Variants in ZFHX3 observed in about 807,000 individuals in gnomAD.
The protein encoded by ZFHX3 is zinc finger homeobox 3, also known as zinc finger homeobox protein 3.
ZFHX3 carries 42 observed loss-of-function variants against 279.1 expected under a neutral mutation model. The ratio of observed to expected loss-of-function variants is 0.15; its 90% CI spans 0.12 to 0.19. The LOEUF is 0.19. Ranked by LOEUF, ZFHX3 falls within the 10% of genes least tolerant of loss-of-function variation. ZFHX3 has a pLI of 1.00. For missense variants in ZFHX3, 4,981 were observed against 4,754.0 expected, an observed-to-expected ratio of 1.05 and a Z score of -1.40; for synonymous variants, 2,293 against 1,957.8, an observed-to-expected ratio of 1.17 and a Z score of -4.52.
At chr16:73,532,233 T>TG (rs1424281650) in intron 2 of ZFHX3, among the ~76,000 whole-genome samples, 2 of 152,010 alleles carry the variant, frequency 1.3e-5, no homozygotes, top group African/African-American at 4.8e-5. Context: ...AATTGAATCA[T>TG]GGGGGTGGTT....
chr16:72,940,892 C>G (rs1960379051), intron 3 of ZFHX3, among the ~76,000 whole-genome samples: 1 of 152,248 alleles, frequency 6.6e-6, no homozygotes, highest in Non-Finnish European at 1.5e-5. Context: ...ATCTCCTAAT[C>G]ATTCTTGATG....
chr16:73,827,849 G>A (rs1310196962), intron 1 of ZFHX3, among the ~76,000 whole-genome samples: 4 of 117,674 alleles, frequency 3.4e-5, no homozygotes, highest in Non-Finnish European at 6.9e-5. Context: ...TGGAATAGGT[G>A]TGGTGTGGTG....
At chr16:73,400,944 C>T (rs929753725) in intron 3 of ZFHX3, 1 of 152,218 alleles carries the variant, frequency 6.6e-6, no homozygotes, top group African/African-American at 2.4e-5. Flanking sequence ...CCCCGGAAGC[C>T]ATCCCCGTCA....
chr16:73,830,521 C>G (rs557473092), intron 1 of ZFHX3, among the ~76,000 whole-genome samples: 2 of 152,304 alleles, frequency 1.3e-5, no homozygotes, highest in African/African-American at 4.8e-5. Context: ...AACCCCACCC[C>G]TCTTAACCTC....
intron 1 of ZFHX3, among the ~76,000 whole-genome samples, chr16:73,010,039 A>C (rs1458370819): frequency 6.6e-6 from 1 of 150,706 alleles, no homozygotes; most frequent in Non-Finnish European, 1.5e-5. Context: ...AAAAAAAAAA[A>C]AAAACTCATA....
At chr16:73,169,711 T>C (rs1344406699) in intron 5 of ZFHX3, among the ~76,000 whole-genome samples, 2 of 151,090 alleles carry the variant, frequency 1.3e-5, no homozygotes, top group Non-Finnish European at 3.0e-5. Flanking sequence ...TCTTTTGGCA[T>C]AGAAGTGAAA....
At chr16:73,384,660 A>G (rs1035353252) in intron 3 of ZFHX3, among the ~76,000 whole-genome samples, 28 of 152,284 alleles carry the variant, frequency 1.8e-4, no homozygotes, top group African/African-American at 6.5e-4. Flanking sequence ...TCACTTACTG[A>G]TAGGAGCCTA....
intron 4 of ZFHX3, among the ~76,000 whole-genome samples, chr16:73,268,388 GGT>G (rs1420956565): frequency 6.6e-6 from 1 of 152,178 alleles, no homozygotes; most frequent in Non-Finnish European, 1.5e-5. Flanking sequence ...GAGAGACAAG[GGT>G]GTGTGGTTGC....
intron 5 of ZFHX3, among the ~76,000 whole-genome samples, chr16:73,187,503 T>C (rs1456972327): frequency 6.6e-6 from 1 of 152,182 alleles, no homozygotes; most frequent in East Asian, 1.9e-4. Context: ...GATAATGTTT[T>C]AGAGGAAAGA....
intron 2 of ZFHX3, among the ~76,000 whole-genome samples, chr16:73,623,394 G>C (rs947863543): frequency 6.6e-6 from 1 of 152,052 alleles, no homozygotes; most frequent in African/African-American, 2.4e-5. Flanking sequence ...TCAAAACTGT[G>C]AATCTTAAAC....
chr16:73,823,652 C>A (rs989105371), intron 1 of ZFHX3, among the ~76,000 whole-genome samples: 1 of 148,086 alleles, frequency 6.8e-6, no homozygotes, highest in East Asian at 1.9e-4. Flanking sequence ...GCTGCTTTGG[C>A]GCTACAATGG....
chr16:73,183,550 T>G (rs1967847107), intron 5 of ZFHX3, among the ~76,000 whole-genome samples: 1 of 152,202 alleles, frequency 6.6e-6, no homozygotes, highest in South Asian at 2.1e-4. Context: ...AACTCCTTGT[T>G]CACGGCTGTC....
intron 2 of ZFHX3, among the ~76,000 whole-genome samples, chr16:73,457,718 C>T (rs1176598088): frequency 2.6e-5 from 4 of 152,052 alleles, no homozygotes; most frequent in Non-Finnish European, 5.9e-5. Flanking sequence ...GAGGTTGCAG[C>T]GAGCCGAGAT....
chr16:73,489,009 T>C (rs1482659600), intron 2 of ZFHX3, among the ~76,000 whole-genome samples: 1 of 152,236 alleles, frequency 6.6e-6, no homozygotes, highest in East Asian at 1.9e-4. Flanking sequence ...TGGTATCAGA[T>C]ACATAGCAAA....
chr16:73,345,831 T>TGTGGTGCTTG (rs2143270297), intron 3 of ZFHX3, among the ~76,000 whole-genome samples: 1 of 152,286 alleles, frequency 6.6e-6, no homozygotes, highest in East Asian at 1.9e-4. Flanking sequence ...TCTTCTCACC[T>TGTGGTGCTTG]GTGGTGCTTG....
chr16:72,938,746 G>A (rs1467163965), intron 3 of ZFHX3, among the ~76,000 whole-genome samples: 4 of 152,212 alleles, frequency 2.6e-5, no homozygotes, highest in African/African-American at 7.2e-5. Flanking sequence ...TATGGATTCC[G>A]AGTTGGACAC....
chr16:73,149,222 T>C (rs558241039), intron 5 of ZFHX3, among the ~76,000 whole-genome samples: 48 of 146,356 alleles, frequency 3.3e-4, no homozygotes, highest in African/African-American at 1.0e-3. Context: ...ATTAATTATA[T>C]TCATATTGTC....
At position 73,509,407 on chromosome 16, in the gene ZFHX3, T is replaced by C. The variant is rs138002314; in HGVS notation, c.-1546-53149A>G. Reference sequence around the variant, plus strand: ...GGCCCTTCGATGTCTCCTGGCCTTTTTGTATAAAAGTCACACTGCACAGTT... The same window carrying C: ...GGCCCTTCGATGTCTCCTGGCCTTTCTGTATAAAAGTCACACTGCACAGTT... On this transcript the variant is annotated intron_variant, in intron 2 of 17. Transcript: ENST00000641206. 4.6e-5 allele frequency among the ~76,000 whole-genome samples: 7 copies of C among 152,100 alleles called. No homozygotes were observed. The East Asian group carries it at 1.4e-3, about 29-fold the overall frequency.
At chr16:73,034,249 G>A (rs535522732) in intron 1 of ZFHX3, among the ~76,000 whole-genome samples, 1 of 152,144 alleles carries the variant, frequency 6.6e-6, no homozygotes, top group African/African-American at 2.4e-5. Flanking sequence ...CCTCGACTAG[G>A]GAAGGTTTCC....
Sources: allele counts gnomAD v4.1 joint callset (sites outside exome capture counted in the v4.1 genomes callset), GRCh38; gene constraint gnomAD v4.1.1; transcripts MANE v1.5; gene names NCBI Gene and HGNC (gene_info 2026-07-23, HGNC 2026-07-21).